The following YTHDF1 variants were observed in gnomAD, a reference collection of about 807,000 sequenced individuals.
The protein encoded by YTHDF1 is YTH domain-containing family protein 1.
In YTHDF1, 16 loss-of-function variants were observed where a neutral mutation model predicts 49.1. That is an observed-to-expected ratio of 0.33 (90% confidence interval 0.22 to 0.49). The LOEUF (loss-of-function observed/expected upper bound fraction) is 0.49, where lower values mean the gene tolerates loss of function less well. YTHDF1 is among the 20% of genes least tolerant of loss of function. The pLI is 0.99. For synonymous variants in YTHDF1, 313 were observed against 290.1 expected, an observed-to-expected ratio of 1.08 and a Z score of -0.80; for missense variants, 621 against 744.3, an observed-to-expected ratio of 0.83 and a Z score of 1.93.
intron 4 of YTHDF1, 120 bp from the exon 5 acceptor site, chr20:63,196,854 T>G (rs1357026504): frequency 8.5e-7 from 1 of 1,173,300 alleles, no homozygotes; most frequent in Non-Finnish European, 1.2e-6. Flanking sequence ...GGACCCTGAA[T>G]GGTACCCAAG....
chr20:63,212,748 T>C (rs1014769697), intron 3 of YTHDF1, among the ~76,000 whole-genome samples: 1 of 152,144 alleles, frequency 6.6e-6, no homozygotes, highest in Non-Finnish European at 1.5e-5. Flanking sequence ...CCAGGGCAAC[T>C]GTATCCCCCA....
chr20:63,198,424 G>C (rs1238885943), intron 4 of YTHDF1, among the ~76,000 whole-genome samples: 1 of 152,084 alleles, frequency 6.6e-6, no homozygotes, highest in East Asian at 1.9e-4. Context: ...CAGCCTGGGG[G>C]AGACAGCGAA....
At chr20:63,200,845 A>G (rs1397380944) in intron 4 of YTHDF1, among the ~76,000 whole-genome samples, 3 of 152,324 alleles carry the variant, frequency 2.0e-5, no homozygotes, top group African/African-American at 7.2e-5. Context: ...CTAAAGCTTC[A>G]TTAGCAATTA....
chr20:63,198,822 A>ACAGT (rs1334075430), intron 4 of YTHDF1, among the ~76,000 whole-genome samples: 1 of 152,206 alleles, frequency 6.6e-6, no homozygotes, highest in Non-Finnish European at 1.5e-5. Context: ...CAGGGCAAGG[A>ACAGT]CAGTCAGTCT....
Position 63,203,085 on chromosome 20 carries a change from G to A in YTHDF1, c.855C>T (p.Val285=), listed in dbSNP as rs746060409. The change falls in exon 4 of 5, where the codon GTC becomes GTT. Residue 285 remains valine (V), a synonymous_variant. Transcript: ENST00000370339. This position sits in a 1 kb window ranked among gnomAD's most constrained non-coding sequence, Gnocchi z 4.4. ...CCTGTGGAGAGGGTGCCTGCTGGGGGACTGGGGCCTTCGGCACAGGCCCCT... is the reference window on the plus strand; with the variant it reads ...CCTGTGGAGAGGGTGCCTGCTGGGGAACTGGGGCCTTCGGCACAGGCCCCT... The part of the protein sequence containing the change: ...DNKGPVPKAP[V]PQQAPSPQAA... The A allele has an allele frequency of 6.2e-7, 1 of 1,607,360 alleles. No individual in the cohort carries two copies. Among genetic ancestry groups the A allele is most frequent in the Non-Finnish European group, 8.5e-7 (1 of 1,176,022 alleles).
At chr20:63,208,045 T>C (rs188414604) in intron 3 of YTHDF1, among the ~76,000 whole-genome samples, 60 of 152,070 alleles carry the variant, frequency 3.9e-4, no homozygotes, top group Admixed American at 3.6e-3. Context: ...TTTACATATT[T>C]ACTCAAATTT....
In YTHDF1 at chr20:63,196,449, A is replaced by G. The variant is rs1601228274; in HGVS notation, c.*259T>C. On this transcript the variant is annotated 3_prime_UTR_variant, in exon 5 of 5. Coordinates refer to ENST00000370339, the MANE Select transcript of YTHDF1 (RefSeq NM_017798.4). ...AAATAGATGCTTTGTTTTTAAGGAT[A>G]CTTACATTTCACATTAGATCAGTCT... 2 of 351,264 alleles carry G rather than the reference A, an allele frequency of 5.7e-6. No individual in the cohort carries two copies. Among genetic ancestry groups the G allele is most frequent in the East Asian group, 8.8e-5 (2 of 22,708 alleles). The allele number at this position is 351,264 out of a possible 1,614,324, so 21.8% of individuals were successfully genotyped here.
chr20:63,210,659 G>A (rs6090308), intron 3 of YTHDF1, among the ~76,000 whole-genome samples: 26,492 of 151,778 alleles, frequency 0.17, 2,508 homozygotes, highest in East Asian at 0.35. Context: ...GTGGTGGCGC[G>A]TGCCTGTAAT....
Position 63,215,914 on chromosome 20 carries a change from G to A in YTHDF1, c.-22C>T. 3 of 1,382,774 alleles carry A rather than the reference G, an allele frequency of 2.2e-6. No homozygotes were observed. Among genetic ancestry groups the A allele is most frequent in the Non-Finnish European group, 2.8e-6 (3 of 1,062,390 alleles). The allele number at this position is 1,382,774 out of a possible 1,614,324, so 85.7% of individuals were successfully genotyped here. On this transcript the variant is annotated 5_prime_UTR_variant, in exon 1 of 5. Coordinates refer to ENST00000370339, the MANE Select transcript of YTHDF1 (RefSeq NM_017798.4). ...ACATGCTTCATGAACAACTAGACGCGGGGCCGGGGCGCCCGCCGGCTCGGG... is the reference window on the plus strand; with the variant it reads ...ACATGCTTCATGAACAACTAGACGCAGGGCCGGGGCGCCCGCCGGCTCGGG...
intron 3 of YTHDF1, among the ~76,000 whole-genome samples, chr20:63,213,017 C>T (rs1252048630): frequency 6.6e-6 from 1 of 152,186 alleles, no homozygotes; most frequent in Non-Finnish European, 1.5e-5. Flanking sequence ...TTTATGTGCA[C>T]CATCTGATGT....
chr20:63,213,277 C>T (rs1164752339), intron 3 of YTHDF1, among the ~76,000 whole-genome samples: 2 of 152,216 alleles, frequency 1.3e-5, no homozygotes, highest in African/African-American at 4.8e-5. Flanking sequence ...ACTAAAAATA[C>T]AAAAATTAGC....
intron 2 of YTHDF1, 42 bp from the exon 3 acceptor site, chr20:63,213,985 A>G (rs2066588885): frequency 6.4e-7 from 1 of 1,561,262 alleles, no homozygotes; most frequent in Non-Finnish European, 8.6e-7. Flanking sequence ...AAATTTTAAA[A>G]GATTACTTTT....
intron 1 of YTHDF1, 56 bp from the exon 2 acceptor site, chr20:63,215,657 C>T: frequency 6.4e-7 from 1 of 1,569,210 alleles, no homozygotes; most frequent in Non-Finnish European, 8.6e-7. Flanking sequence ...AAGAGGGAAA[C>T]ACAAAGTTAT....
At chr20:63,215,301 C>T (rs1601242446) in intron 2 of YTHDF1, among the ~76,000 whole-genome samples, 1 of 152,184 alleles carries the variant, frequency 6.6e-6, no homozygotes, top group East Asian at 1.9e-4. Context: ...CATGTCCACC[C>T]GGCTCTCCTA....
chr20:63,197,650 G>A (rs940689630), intron 4 of YTHDF1, among the ~76,000 whole-genome samples: 19 of 152,234 alleles, frequency 1.2e-4, no homozygotes, highest in African/African-American at 3.4e-4. Flanking sequence ...AGGCTGAGGC[G>A]AGAGGATCGC....
At chr20:63,213,295 G>A (rs2066584519) in intron 3 of YTHDF1, among the ~76,000 whole-genome samples, 1 of 152,204 alleles carries the variant, frequency 6.6e-6, no homozygotes. Context: ...AGCTAGACGT[G>A]GTAGTGGGTG....
chr20:63,215,055 C>T (rs1034247076), intron 2 of YTHDF1, among the ~76,000 whole-genome samples: 9 of 152,304 alleles, frequency 5.9e-5, no homozygotes, highest in African/African-American at 1.9e-4. Context: ...TGAGCTGACA[C>T]ACAAACTGGC....
intron 3 of YTHDF1, among the ~76,000 whole-genome samples, chr20:63,204,808 G>A (rs1191047043): frequency 3.3e-5 from 5 of 152,034 alleles, no homozygotes; most frequent in Admixed American, 1.3e-4. Context: ...GTTCTGGGAC[G>A]GCATCTCCTT....
intron 3 of YTHDF1, among the ~76,000 whole-genome samples, chr20:63,209,939 G>T (rs943268249): frequency 1.3e-5 from 2 of 152,164 alleles, no homozygotes; most frequent in Non-Finnish European, 2.9e-5. Flanking sequence ...TTTGTTTCTA[G>T]TAAGTAGGCA....
Sources: allele counts gnomAD v4.1 joint callset (sites outside exome capture counted in the v4.1 genomes callset), GRCh38; gene constraint gnomAD v4.1.1; non-coding constraint Gnocchi (gnomAD v3.1); transcripts MANE v1.5; gene names NCBI Gene and HGNC (gene_info 2026-07-23, HGNC 2026-07-21).